Variants in KCNG2 observed in about 807,000 individuals in gnomAD.
KCNG2 encodes potassium voltage-gated channel modifier subfamily G member 2.
Under a neutral mutation model 12.3 loss-of-function variants are expected in KCNG2, and 7 were observed. The ratio of observed to expected loss-of-function variants is 0.57; its 90% CI spans 0.32 to 1.07. KCNG2 has a LOEUF of 1.07. KCNG2 is among the 50% of genes least tolerant of loss of function. The pLI is 0.04. For synonymous variants in KCNG2, 414 were observed against 351.4 expected (o/e 1.18, Z -1.99); for missense variants, 703 against 726.0 (o/e 0.97, Z 0.36).
intron 3 of KCNG2, among the ~76,000 whole-genome samples, chr18:79,894,922 G>A (rs1465997823): frequency 1.3e-5 from 2 of 150,308 alleles, no homozygotes; most frequent in Non-Finnish European, 2.9e-5. Flanking sequence ...TGATTGGGTT[G>A]TTCACTCCAT....
chr18:79,838,631 G>T (rs1257027544), intron 1 of KCNG2, among the ~76,000 whole-genome samples: 1 of 152,108 alleles, frequency 6.6e-6, no homozygotes, highest in Non-Finnish European at 1.5e-5. Context: ...GTCTGATCTT[G>T]AATTCCTGGG....
intron 3 of KCNG2, among the ~76,000 whole-genome samples, chr18:79,878,071 G>A (rs1212271447): frequency 6.6e-6 from 1 of 152,282 alleles, no homozygotes; most frequent in African/African-American, 2.4e-5. Flanking sequence ...CGTGGTGTGA[G>A]CGTGCCAGGA....
chr18:79,889,272 A>G (rs1980663576), intron 3 of KCNG2, among the ~76,000 whole-genome samples: 1 of 152,204 alleles, frequency 6.6e-6, no homozygotes, highest in African/African-American at 2.4e-5. Context: ...CTGTAACTTT[A>G]GCACCCACAT....
intron 1 of KCNG2, among the ~76,000 whole-genome samples, chr18:79,799,286 G>T (rs1568239072): frequency 6.6e-6 from 1 of 152,212 alleles, no homozygotes; most frequent in African/African-American, 2.4e-5. Flanking sequence ...TTTTCGTTCT[G>T]CTGAGAGTCC....
intron 3 of KCNG2, among the ~76,000 whole-genome samples, chr18:79,895,799 C>T (rs1980952821): frequency 6.6e-6 from 1 of 152,152 alleles, no homozygotes; most frequent in Admixed American, 6.5e-5. Flanking sequence ...TCACTCCATT[C>T]ACATCTACTG....
chr18:79,899,396 G>A lies in KCNG2; in HGVS notation c.981G>A (p.Leu327=). ...CGCGCGAGTTCGGGCTGCTGCTGCT[G>A]TTCCTCTGCGTGGCCATGGCGCTCT... ...RCAREFGLLL[L]FLCVAMALFA... is the part of the protein sequence containing the mutation. The change falls in exon 4 of 4, where the codon CTG becomes CTA. Residue 327 remains leucine, a synonymous_variant. Coordinates refer to ENST00000316249, the MANE Select transcript of KCNG2 (RefSeq NM_012283.2). 1.9e-6 allele frequency: 3 copies of A among 1,577,518 alleles called. No individual in the cohort carries two copies. The highest frequency in any genetic ancestry group is 1.4e-5 in the African/African-American group (1 of 73,214).
At chr18:79,817,788 G>GTGGGC (rs753591884) in intron 1 of KCNG2, among the ~76,000 whole-genome samples, 1 of 152,292 alleles carries the variant, frequency 6.6e-6, no homozygotes, top group East Asian at 1.9e-4. Flanking sequence ...CACAGCTTTG[G>GTGGGC]TGGGCCCCAC....
At chr18:79,872,734 A>G (rs1221757218) in intron 3 of KCNG2, among the ~76,000 whole-genome samples, 1 of 152,200 alleles carries the variant, frequency 6.6e-6, no homozygotes, top group African/African-American at 2.4e-5. Flanking sequence ...GGCTTGAAAC[A>G]TTCTCTCCAT....
At chr18:79,812,496 A>G (rs1277457086) in intron 1 of KCNG2, among the ~76,000 whole-genome samples, 2 of 152,254 alleles carry the variant, frequency 1.3e-5, no homozygotes, top group Non-Finnish European at 2.9e-5. Context: ...TTCCTCACTC[A>G]ATGTGAGGTT....
intron 2 of KCNG2, among the ~76,000 whole-genome samples, chr18:79,856,735 C>T (rs999787945): frequency 6.6e-6 from 1 of 152,098 alleles, no homozygotes; most frequent in Non-Finnish European, 1.5e-5. Flanking sequence ...TGGGTTTGCA[C>T]GCTAGGCTTC....
In KCNG2 at chr18:79,899,073, G is replaced by A; in HGVS notation, c.658G>A (p.Val220Met). ...ECSPKCRSLF[V>M]LETVCVAWFS... is the part of the protein sequence containing the mutation. ...CTCCCCCAAGTGCCGCAGCCTGTTC[G>A]TGCTGGAGACCGTGTGCGTGGCCTG... Residue 220 changes from valine (V) to methionine (M), a missense_variant, in exon 4 of 4, where the codon GTG (valine) becomes ATG (methionine). Coordinates refer to ENST00000316249, the MANE Select transcript of KCNG2 (RefSeq NM_012283.2). 2.5e-6 allele frequency: 4 copies of A among 1,593,016 alleles called. No homozygotes were observed. Among genetic ancestry groups the A allele is most frequent in the Middle Eastern group, 3.3e-4 (2 of 6,002 alleles).
chr18:79,822,871 G>A lies in KCNG2; in HGVS notation c.-115+24857G>A, dbSNP rs1206306025. The stretch of plus-strand genomic sequence containing the variant: ...TGTCTCCCCACGCTTCCGTGGGGTT[G>A]TGGATTCCTTGTGAGGCACCTGGGC... On this transcript the variant is annotated intron_variant, in intron 1 of 3. Coordinates refer to ENST00000316249, the MANE Select transcript of KCNG2 (RefSeq NM_012283.2). This position sits in a 1 kb window ranked among gnomAD's most constrained non-coding sequence, Gnocchi z 4.4. Among the ~76,000 whole-genome samples, 1 of 152,244 alleles carries A rather than the reference G, an allele frequency of 6.6e-6. No homozygotes were observed. The highest frequency in any genetic ancestry group is 2.4e-5 in the African/African-American group (1 of 41,462).
At chr18:79,810,447 A>G (rs2087486400) in intron 1 of KCNG2, among the ~76,000 whole-genome samples, 1 of 152,198 alleles carries the variant, frequency 6.6e-6, no homozygotes, top group Admixed American at 6.5e-5. Context: ...AGTGCTGGTG[A>G]GTAAAGGCAG....
chr18:79,882,864 TACACCTGCGCGTGGAGCGC>T (rs1980366879), intron 3 of KCNG2, among the ~76,000 whole-genome samples: 39 of 150,716 alleles, frequency 2.6e-4, no homozygotes, highest in South Asian at 1.2e-3. Context: ...GGAGGCCGGG[TACACCTGCGCGTGGAGCGC>T]GGAGGCCGGG....
chr18:79,879,423 C>G (rs927800054), intron 3 of KCNG2, among the ~76,000 whole-genome samples: 4 of 152,174 alleles, frequency 2.6e-5, no homozygotes, highest in Admixed American at 1.3e-4. Flanking sequence ...CAGGAAACAT[C>G]AGGAGTTATA....
rs981069492 is a variant in KCNG2, at chr18:79,863,780, GC to G, written c.118del (p.Leu40SerfsTer25). 6 of 1,272,074 alleles carry G rather than the reference GC, an allele frequency of 4.7e-6. No individual in the cohort carries two copies. In the African/African-American group the frequency reaches 6.4e-5, roughly 14 times the overall value. The allele number at this position is 1,272,074 out of a possible 1,614,324, so 78.8% of individuals were successfully genotyped here. ...CTGGCATGGGCCGCGCTGGCGCGAT[GC>G]CCCCTCGCGCGCCTGGAGCGCCTGC... ...VRLAWAALARCPLARLERLRA... is the reference protein window; with the variant it reads ...VRLAWAALARXPLARLERLRA... On this transcript the variant is annotated frameshift_variant, in exon 3 of 4. Transcript: ENST00000316249. LOFTEE classifies it high-confidence loss of function.
intron 2 of KCNG2, among the ~76,000 whole-genome samples, chr18:79,858,598 C>T (rs1260414793): frequency 2.7e-5 from 4 of 150,762 alleles, no homozygotes; most frequent in Admixed American, 6.6e-5. Context: ...GTGGGGTCAC[C>T]GGGTCACATG....
chr18:79,871,135 G>C (rs1038935502), intron 3 of KCNG2, among the ~76,000 whole-genome samples: 16 of 152,312 alleles, frequency 1.1e-4, no homozygotes, highest in South Asian at 6.2e-4. Flanking sequence ...CACTGGGGAG[G>C]GTCAGCCTTC....
In KCNG2 at chr18:79,869,985, C is replaced by T. The variant is rs1000532375; in HGVS notation, c.624+5694C>T. Among the ~76,000 whole-genome samples the T allele has an allele frequency of 3.9e-5, 6 of 152,104 alleles. 1 individual carries two copies. Among genetic ancestry groups the T allele is most frequent in the Non-Finnish European group, 7.3e-5 (5 of 68,042 alleles). ...CAGAGCTGGAGTGGGAGTTGCCACC[C>T]GTTCCCAGCTGGTGGAGGCTCAGCC... On this transcript the variant is annotated intron_variant, in intron 3 of 3. Transcript: ENST00000316249.
Sources: gnomAD v4.1 joint callset for allele counts (sites outside exome capture counted in the v4.1 genomes callset) on GRCh38, gnomAD v4.1.1 for gene constraint, Gnocchi (gnomAD v3.1) non-coding constraint, MANE v1.5 for transcripts, NCBI Gene and HGNC (gene_info 2026-07-23, HGNC 2026-07-21) for gene names.